Variants in COL24A1 observed in about 807,000 individuals in gnomAD.
COL24A1 encodes collagen type XXIV alpha 1 chain, also known as collagen alpha-1(XXIV) chain.
COL24A1 carries 224 observed loss-of-function variants against 253.9 expected under a neutral mutation model. The observed-to-expected ratio is 0.88, with a 90% CI of 0.79 to 0.99. The LOEUF (loss-of-function observed/expected upper bound fraction) is 0.99. Ranked by LOEUF, COL24A1 falls within the 50% of genes least tolerant of loss-of-function variation. The pLI is 0.00. For synonymous variants in COL24A1, 685 were observed against 673.7 expected (o/e 1.02, Z -0.26); for missense variants, 2,131 against 2,068.5 (o/e 1.03, Z -0.59).
At chr1:86,115,788 CT>C (rs1706082980) in intron 3 of COL24A1, among the ~76,000 whole-genome samples, 1 of 152,142 alleles carries the variant, frequency 6.6e-6, no homozygotes, top group Non-Finnish European at 1.5e-5. Context: ...AATGAAAACA[CT>C]GGCCATTTTA....
chr1:86,126,092 C>T lies in COL24A1; in HGVS notation c.244G>A (p.Val82Ile), dbSNP rs749152364. 6.2e-7 allele frequency: 1 copy of T among 1,613,372 alleles called. No homozygotes were observed. The highest frequency in any genetic ancestry group is 8.5e-7 in the Non-Finnish European group (1 of 1,179,754). The change falls in exon 3 of 60, where the codon GTC (valine) becomes ATC (isoleucine). Residue 82 changes from valine (V) to isoleucine (I), a missense_variant. Transcript: ENST00000370571. Reference protein sequence around the residue: ...PQGVHLTESGVIFKNDAYIET... With the variant: ...PQGVHLTESGIIFKNDAYIET... ...ATATAAGCATCATTTTTAAAAATGACTCCTGATTCTGTTAAATGGACCCCC... is the reference window on the plus strand; with the variant it reads ...ATATAAGCATCATTTTTAAAAATGATTCCTGATTCTGTTAAATGGACCCCC...
At chr1:86,067,089 A>G (rs566751749) in intron 7 of COL24A1, among the ~76,000 whole-genome samples, 1 of 151,910 alleles carries the variant, frequency 6.6e-6, no homozygotes, top group Non-Finnish European at 1.5e-5. Flanking sequence ...CAGTGAGCCG[A>G]GATTGCGCCA....
Position 85,908,620 on chromosome 1 carries a change from G to A in COL24A1, c.2702C>T (p.Pro901Leu), listed in dbSNP as rs775355105. ...GYPGPPGVPG[P>L]IGPLGLPGHV... The stretch of plus-strand genomic sequence containing the variant: ...TACAGGTAATCCCAATGGACCGATA[G>A]GTCCTGGAACCCCAGGAGGACCTGG... Residue 901 changes from proline (P) to leucine (L), a missense_variant, in exon 27 of 60, where the codon CCT (proline) becomes CTT (leucine). By Grantham distance (98) the Pro-to-Leu change is moderately conservative. Transcript: ENST00000370571. The A allele has an allele frequency of 6.7e-7, 1 of 1,484,430 alleles. No individual in the cohort carries two copies. Among genetic ancestry groups the A allele is most frequent in the Non-Finnish European group, 9.0e-7 (1 of 1,106,506 alleles). The allele number at this position is 1,484,430 out of a possible 1,614,324, so 92.0% of individuals were successfully genotyped here. A position where few individuals can be genotyped will look rare whatever the true frequency, so the allele number is the denominator to read the frequency against.
rs570449259 is a variant in COL24A1 at position 85,829,542 on chromosome 1, C to T, written c.3682-5804G>A. On this transcript the variant is annotated intron_variant, in intron 43 of 59. Coordinates refer to ENST00000370571, the MANE Select transcript of COL24A1 (RefSeq NM_152890.7). ...TTTTCCAACTTGGTTCCATTCTCCC[C>T]GTCACTTTCAGGTACACCAATCAGA... is the stretch of plus-strand genomic sequence containing the variant. Among the ~76,000 whole-genome samples the T allele has an allele frequency of 1.4e-4, 21 of 152,016 alleles. No homozygotes were observed. The South Asian group carries it at 3.5e-3, about 26-fold the overall frequency.
At chr1:86,024,380 T>C (rs1697828053) in intron 14 of COL24A1, among the ~76,000 whole-genome samples, 1 of 152,166 alleles carries the variant, frequency 6.6e-6, no homozygotes, top group South Asian at 2.1e-4. Flanking sequence ...ATAATGGTTC[T>C]GAAATAAAGT....
chr1:85,771,549 C>T (rs1667959375), intron 53 of COL24A1, among the ~76,000 whole-genome samples: 1 of 152,124 alleles, frequency 6.6e-6, no homozygotes. Context: ...GTGAATAGTG[C>T]TGCAATAAAC....
chr1:86,005,027 T>C (rs1475717816), intron 19 of COL24A1, among the ~76,000 whole-genome samples: 1 of 152,210 alleles, frequency 6.6e-6, no homozygotes, highest in Non-Finnish European at 1.5e-5. Flanking sequence ...TAGGTTGTAC[T>C]ACCAGATAAG....
At chr1:86,035,571 T>G (rs1006386043) in intron 12 of COL24A1, among the ~76,000 whole-genome samples, 1 of 151,942 alleles carries the variant, frequency 6.6e-6, no homozygotes, top group African/African-American at 2.4e-5. Context: ...GCTGGTGATG[T>G]GGGGGAGGAA....
At chr1:85,938,442 CCATCT>C (rs1688429054) in intron 24 of COL24A1, among the ~76,000 whole-genome samples, 1 of 146,564 alleles carries the variant, frequency 6.8e-6, no homozygotes, top group South Asian at 2.5e-4. Context: ...AAATAAGTCA[CCATCT>C]TGGCACAGTT....
At chr1:86,126,827 A>C (rs995505173) in intron 2 of COL24A1, among the ~76,000 whole-genome samples, 3 of 152,148 alleles carry the variant, frequency 2.0e-5, no homozygotes, top group African/African-American at 7.2e-5. Flanking sequence ...ACTTCAATGA[A>C]TATACATGTT....
At chr1:86,104,064 A>G (rs1161892223) in intron 5 of COL24A1, among the ~76,000 whole-genome samples, 1 of 152,154 alleles carries the variant, frequency 6.6e-6, no homozygotes, top group African/African-American at 2.4e-5. Flanking sequence ...CCTATTTCTC[A>G]GGGGTTTTGT....
chr1:85,986,750 GC>G (rs749339854), intron 20 of COL24A1, among the ~76,000 whole-genome samples: 2 of 151,722 alleles, frequency 1.3e-5, no homozygotes, highest in Non-Finnish European at 3.0e-5. Flanking sequence ...AACAAATATA[GC>G]TATAATCAAG....
intron 43 of COL24A1, among the ~76,000 whole-genome samples, chr1:85,832,160 C>T (rs12119620): frequency 0.33 from 49,355 of 151,770 alleles, 9,411 homozygotes; most frequent in Non-Finnish European, 0.43. Context: ...GCCAGTTTTC[C>T]TAGCACCATT....
rs1186790290 is a variant in COL24A1, at chr1:86,156,326, G to T, written c.56+15C>A. The T allele has an allele frequency of 4.3e-6, 7 of 1,611,624 alleles. No homozygotes were observed. The highest frequency in any genetic ancestry group is 2.2e-5 in the East Asian group (1 of 44,740). On this transcript the variant is annotated intron_variant, in intron 1 of 59. Coordinates refer to ENST00000370571, the MANE Select transcript of COL24A1 (RefSeq NM_152890.7). ...TGGTCTAACCCCTACCCTACCCGGCGGGTGGGCTACTTACGTTTTTGCCGT... is the reference window on the plus strand; with the variant it reads ...TGGTCTAACCCCTACCCTACCCGGCTGGTGGGCTACTTACGTTTTTGCCGT...
chr1:85,926,670 G>A (rs1307016519), intron 24 of COL24A1, among the ~76,000 whole-genome samples: 1 of 152,050 alleles, frequency 6.6e-6, no homozygotes, highest in Admixed American at 6.5e-5. Flanking sequence ...CCTGTCATGG[G>A]GTGAGGGGCA....
At chr1:85,828,560 G>T (rs1263971828) in intron 43 of COL24A1, among the ~76,000 whole-genome samples, 1 of 151,528 alleles carries the variant, frequency 6.6e-6, no homozygotes, top group East Asian at 1.9e-4. Context: ...GGGAGTCTAA[G>T]TCTCTTTGCA....
chr1:85,834,000 A>G (rs1033575582), intron 43 of COL24A1, among the ~76,000 whole-genome samples: 5 of 151,148 alleles, frequency 3.3e-5, no homozygotes, highest in African/African-American at 9.7e-5. Context: ...TAGCATTAGG[A>G]GCTATACCTA....
chr1:86,115,223 G>T, intron 4 of COL24A1, 102 bp downstream of exon 4: 1 of 1,124,144 alleles, frequency 8.9e-7, no homozygotes, highest in Non-Finnish European at 1.3e-6. Flanking sequence ...TGAAGATCCA[G>T]GCAGGTTTCC....
intron 35 of COL24A1, 85 bp downstream of exon 35, chr1:85,874,564 A>G: frequency 8.0e-7 from 1 of 1,251,506 alleles, no homozygotes; most frequent in Non-Finnish European, 1.1e-6. Context: ...TTATTATCCA[A>G]TTTTTTGAGT....
Sources: allele counts gnomAD v4.1 joint callset (sites outside exome capture counted in the v4.1 genomes callset), GRCh38; gene constraint gnomAD v4.1.1; transcripts MANE v1.5; gene names NCBI Gene and HGNC (gene_info 2026-07-23, HGNC 2026-07-21).